FBXL17: variants seen among roughly 807,000 people sequenced by gnomAD.
FBXL17 encodes the protein F-box and leucine rich repeat protein 17.
In FBXL17, 22 loss-of-function variants were observed where a neutral mutation model predicts 66.2. The observed-to-expected ratio is 0.33, with a 90% CI of 0.24 to 0.47. The LOEUF (loss-of-function observed/expected upper bound fraction) is 0.47, where lower values mean the gene tolerates loss of function less well. Among genes scored for constraint, FBXL17 ranks in the 20% least tolerant of loss-of-function variants. FBXL17 has a pLI of 1.00. For missense variants in FBXL17, 878 were observed against 948.2 expected (o/e 0.93, Z 0.97); for synonymous variants, 474 against 400.5 (o/e 1.18, Z -2.19).
intron 4 of FBXL17, among the ~76,000 whole-genome samples, chr5:108,236,767 A>AT (rs1020835672): frequency 6.6e-6 from 1 of 152,106 alleles, no homozygotes; most frequent in African/African-American, 2.4e-5. Flanking sequence ...TCGTTGATTA[A>AT]TTTTTTCATC....
At chr5:108,195,314 A>G (rs1416919560) in intron 5 of FBXL17, among the ~76,000 whole-genome samples, 2 of 152,148 alleles carry the variant, frequency 1.3e-5, no homozygotes, top group East Asian at 1.9e-4. Context: ...AAAAGATGAT[A>G]TTTGCGCAAA....
chr5:108,170,786 G>A (rs1400252070), intron 6 of FBXL17, among the ~76,000 whole-genome samples: 26 of 152,080 alleles, frequency 1.7e-4, no homozygotes, highest in Non-Finnish European at 2.6e-4. Flanking sequence ...TGCCCGCCTC[G>A]GCCTCCCAAA....
At chr5:108,032,761 T>C (rs948103962) in intron 6 of FBXL17, among the ~76,000 whole-genome samples, 1 of 152,130 alleles carries the variant, frequency 6.6e-6, no homozygotes, top group Non-Finnish European at 1.5e-5. Flanking sequence ...TGAGAGAAAA[T>C]GTTTTCATTG....
intron 4 of FBXL17, among the ~76,000 whole-genome samples, chr5:108,310,872 A>G (rs1451808044): frequency 1.3e-5 from 2 of 152,176 alleles, no homozygotes; most frequent in Admixed American, 1.3e-4. Context: ...CCCAACACCG[A>G]AAGTCCACAG....
chr5:108,150,780 A>G (rs1441455140), intron 6 of FBXL17, among the ~76,000 whole-genome samples: 1 of 152,218 alleles, frequency 6.6e-6, no homozygotes, highest in Admixed American at 6.5e-5. Context: ...AAGGCACATA[A>G]TAACGATTTT....
At chr5:108,324,833 C>T (rs1053373473) in intron 4 of FBXL17, among the ~76,000 whole-genome samples, 12 of 152,084 alleles carry the variant, frequency 7.9e-5, no homozygotes, top group Non-Finnish European at 1.0e-4. Context: ...CATGCTACAA[C>T]ATAGATGAAT....
At chr5:108,056,676 T>C (rs1747721445) in intron 6 of FBXL17, among the ~76,000 whole-genome samples, 1 of 152,190 alleles carries the variant, frequency 6.6e-6, no homozygotes, top group South Asian at 2.1e-4. Flanking sequence ...ATATACTCTA[T>C]GATGACCTCC....
At chr5:108,180,214 T>C (rs1432536758) in intron 6 of FBXL17, among the ~76,000 whole-genome samples, 5 of 152,134 alleles carry the variant, frequency 3.3e-5, no homozygotes, top group South Asian at 2.1e-4. Context: ...AAGTTACTTT[T>C]AAAGAGAAAT....
intron 6 of FBXL17, among the ~76,000 whole-genome samples, chr5:108,112,060 G>C (rs1286937500): frequency 6.6e-6 from 1 of 152,204 alleles, no homozygotes; most frequent in Non-Finnish European, 1.5e-5. Flanking sequence ...AGGCCCAACA[G>C]TCTTGCTTGG....
intron 1 of FBXL17, among the ~76,000 whole-genome samples, chr5:108,376,312 G>T (rs377026376): frequency 3.9e-5 from 6 of 152,178 alleles, no homozygotes; most frequent in African/African-American, 7.2e-5. Flanking sequence ...AAGGCATCCA[G>T]ATTGGGGAGC....
chr5:108,085,554 G>A lies in FBXL17; in HGVS notation c.1746-64553C>T, dbSNP rs773253595. On this transcript the variant is annotated intron_variant, in intron 6 of 8. Transcript: ENST00000542267. ...TGTGGTCCAGGCTGAGCTTATCTCC[G>A]GACTGTGCCTGAACACTGTGTGCCG... Among the ~76,000 whole-genome samples the A allele has an allele frequency of 4.6e-5, 7 of 152,272 alleles. No homozygotes were observed. In the South Asian group the frequency reaches 6.2e-4, roughly 14 times the overall value.
At chr5:108,148,160 G>A (rs1209786674) in intron 6 of FBXL17, among the ~76,000 whole-genome samples, 1 of 152,116 alleles carries the variant, frequency 6.6e-6, no homozygotes, top group Non-Finnish European at 1.5e-5. Context: ...ATAGGGAAGG[G>A]AGAAAAGAAG....
chr5:108,214,336 G>A lies in FBXL17; in HGVS notation c.1614+9785C>T, dbSNP rs186452624. Among the ~76,000 whole-genome samples, 20 of 149,998 alleles carry A rather than the reference G, an allele frequency of 1.3e-4. 1 individual carries two copies. The East Asian group carries it at 3.9e-3, about 29-fold the overall frequency. ...TAGAATATTTTAATTTTCATAAAGT[G>A]TAATTTATTAATTAGTAAATTTATT... On this transcript the variant is annotated intron_variant, in intron 5 of 8. Transcript: ENST00000542267.
intron 4 of FBXL17, among the ~76,000 whole-genome samples, chr5:108,238,244 A>G (rs2150096061): frequency 6.6e-6 from 1 of 152,338 alleles, no homozygotes; most frequent in Non-Finnish European, 1.5e-5. Flanking sequence ...TTTAATGAAA[A>G]CTTCATATCT....
intron 1 of FBXL17, among the ~76,000 whole-genome samples, chr5:108,377,508 A>C (rs1337594373): frequency 2.0e-5 from 3 of 152,264 alleles, no homozygotes; most frequent in Non-Finnish European, 4.4e-5. Context: ...AATTCTTGCC[A>C]AAAGTGCTGG....
intron 5 of FBXL17, among the ~76,000 whole-genome samples, chr5:108,217,618 C>A (rs896368224): frequency 1.3e-5 from 2 of 152,046 alleles, no homozygotes; most frequent in Admixed American, 6.6e-5. Context: ...TTCAAGTATA[C>A]AATATAGTTA....
chr5:108,125,670 A>G (rs1206621027), intron 6 of FBXL17, among the ~76,000 whole-genome samples: 1 of 152,014 alleles, frequency 6.6e-6, no homozygotes, highest in Non-Finnish European at 1.5e-5. Context: ...CTTGGGTGGG[A>G]TATGTTAATA....
chr5:108,233,181 GT>G (rs201818615), intron 4 of FBXL17, among the ~76,000 whole-genome samples: 1 of 117,502 alleles, frequency 8.5e-6, no homozygotes, highest in Non-Finnish European at 2.1e-5. Flanking sequence ...TTTCACAATT[GT>G]TTTTTTTGCA....
intron 1 of FBXL17, among the ~76,000 whole-genome samples, chr5:108,368,648 G>C (rs751895623): frequency 6.6e-6 from 1 of 152,018 alleles, no homozygotes; most frequent in Non-Finnish European, 1.5e-5. Flanking sequence ...TAGATCCTGG[G>C]ACAGAAAAAG....
Sources: gnomAD v4.1 joint callset for allele counts (sites outside exome capture counted in the v4.1 genomes callset) on GRCh38, gnomAD v4.1.1 for gene constraint, MANE v1.5 for transcripts, NCBI Gene and HGNC (gene_info 2026-07-23, HGNC 2026-07-21) for gene names.